PC: variants seen among roughly 807,000 people sequenced by gnomAD.
PC encodes the protein pyruvate carboxylase, mitochondrial.
In PC, 46 loss-of-function variants were observed where a neutral mutation model predicts 107.8. The observed-to-expected ratio is 0.43, with a 90% CI of 0.34 to 0.55. The LOEUF (loss-of-function observed/expected upper bound fraction) is 0.55, where lower values mean the gene tolerates loss of function less well. Among genes scored for constraint, PC ranks in the 20% least tolerant of loss-of-function variants. The probability of loss-of-function intolerance (pLI) is 0.04; values close to 1 mark genes in which losing one functional copy is unlikely to be tolerated. For synonymous variants in PC, 662 were observed against 684.7 expected (o/e 0.97, Z 0.52); for missense variants, 1,241 against 1,643.1 (o/e 0.76, Z 4.23).
In PC at chr11:66,857,055, C is replaced by T. The variant is rs1945892854; in HGVS notation, c.1369-3672G>A. On this transcript the variant is annotated intron_variant, in intron 12 of 22. Coordinates refer to ENST00000393960, the MANE Select transcript of PC (RefSeq NM_001040716.2). The surrounding 1 kb of genome is among the most constrained non-coding windows in gnomAD (Gnocchi z 7.1). Reference sequence around the variant, plus strand: ...GCCCTCCACGTGCGTGTCCGCGGCGCGCGCGCCCGCCGGCGCGCACCCGCT... The same window carrying T: ...GCCCTCCACGTGCGTGTCCGCGGCGTGCGCGCCCGCCGGCGCGCACCCGCT... 6.8e-6 allele frequency: 1 copy of T among 146,464 alleles called. No homozygotes were observed. Among genetic ancestry groups the T allele is most frequent in the South Asian group, 2.1e-4 (1 of 4,798 alleles). 9.1% of individuals were successfully genotyped at this position (146,464 alleles called of 1,614,324 possible).
chr11:66,851,576 C>G (rs929796081), intron 16 of PC, among the ~76,000 whole-genome samples: 1 of 152,238 alleles, frequency 6.6e-6, no homozygotes, highest in African/African-American at 2.4e-5. Context: ...AGACCTTCCA[C>G]TGCCCCAGGA....
chr11:66,915,419 C>G (rs1948441874), intron 3 of PC, among the ~76,000 whole-genome samples: 1 of 152,240 alleles, frequency 6.6e-6, no homozygotes, highest in Non-Finnish European at 1.5e-5. Context: ...GCCAGTCCCC[C>G]CTGATGACAG....
chr11:66,893,118 C>T (rs972824973), intron 3 of PC, among the ~76,000 whole-genome samples: 3 of 152,288 alleles, frequency 2.0e-5, no homozygotes, highest in Admixed American at 6.5e-5. Context: ...CCAGCTGCAC[C>T]GTGTCAGTGA....
chr11:66,872,232 T>G, intron 3 of PC, 73 bp from the exon 4 acceptor site: 3 of 1,501,560 alleles, frequency 2.0e-6, no homozygotes, highest in Non-Finnish European at 2.7e-6. Flanking sequence ...TGAGGGCCCT[T>G]CCCAACCCCA....
intron 3 of PC, among the ~76,000 whole-genome samples, chr11:66,926,908 A>G (rs1948730182): frequency 6.6e-6 from 1 of 151,928 alleles, no homozygotes; most frequent in Admixed American, 6.6e-5. Flanking sequence ...TTATGGCTGA[A>G]CAACATTCCA....
rs141469781 is a variant in PC, at chr11:66,932,658, C to A, written c.-1+19772G>T. 1.8e-3 allele frequency among the ~76,000 whole-genome samples: 272 copies of A among 152,290 alleles called. 1 individual carries two copies. Among genetic ancestry groups the A allele is most frequent in the African/African-American group, 6.4e-3 (268 of 41,560 alleles). On this transcript the variant is annotated intron_variant, in intron 3 of 22. Coordinates refer to ENST00000393960, the MANE Select transcript of PC (RefSeq NM_001040716.2). ...GCCCTGGGGGGAAAGCCTCTTTAAACTGTGTGTTCTCTCCAGCTGGAGAAG... is the reference window on the plus strand; with the variant it reads ...GCCCTGGGGGGAAAGCCTCTTTAAAATGTGTGTTCTCTCCAGCTGGAGAAG...
Position 66,870,693 on chromosome 11 carries a change from G to T in PC, c.751+82C>A. The stretch of plus-strand genomic sequence containing the variant: ...GACAGGCCCCAGGGCTGTCCCCAAG[G>T]CCAGCCACTGTGACGGCACCAGGAC... On this transcript the variant is annotated intron_variant, in intron 8 of 22. Transcript: ENST00000393960. This position sits in a 1 kb window ranked among gnomAD's most constrained non-coding sequence, Gnocchi z 6.1. 1.4e-6 allele frequency: 2 copies of T among 1,390,692 alleles called. No individual in the cohort carries two copies. The highest frequency in any genetic ancestry group is 2.0e-6 in the Non-Finnish European group (2 of 988,068). The allele number at this position is 1,390,692 out of a possible 1,614,324, so 86.1% of individuals were successfully genotyped here.
chr11:66,888,435 A>G (rs2136003106), intron 3 of PC, among the ~76,000 whole-genome samples: 1 of 152,312 alleles, frequency 6.6e-6, no homozygotes, highest in East Asian at 1.9e-4. Flanking sequence ...CGAACAAAAC[A>G]AAGGACTAAA....
chr11:66,850,569 A>G, intron 18 of PC, 105 bp from the exon 19 acceptor site: 1 of 1,603,058 alleles, frequency 6.2e-7, no homozygotes, highest in Non-Finnish European at 8.5e-7. Context: ...GAAGGCGGCA[A>G]GGCCAGAGCA....
At position 66,858,984 on chromosome 11, in the gene PC, G is replaced by T; in HGVS notation, c.1368+4790C>A. On this transcript the variant is annotated intron_variant, in intron 12 of 22. Coordinates refer to ENST00000393960, the MANE Select transcript of PC (RefSeq NM_001040716.2). The surrounding 1 kb of genome is among the most constrained non-coding windows in gnomAD (Gnocchi z 5.9). ...TGAGCCAGCCGTGCAGGTGACGGAG[G>T]TGACCGCCACCTCAGGGCTGGTGAG... The T allele has an allele frequency of 6.4e-7, 1 of 1,563,844 alleles. No homozygotes were observed. Among genetic ancestry groups the T allele is most frequent in the Non-Finnish European group, 8.7e-7 (1 of 1,151,104 alleles).
intron 3 of PC, among the ~76,000 whole-genome samples, chr11:66,936,784 C>T (rs2136123002): frequency 6.6e-6 from 1 of 152,222 alleles, no homozygotes; most frequent in East Asian, 1.9e-4. Context: ...ACATAAGCAT[C>T]CCTGGGTATT....
intron 3 of PC, among the ~76,000 whole-genome samples, chr11:66,886,033 T>G (rs548635023): frequency 6.6e-6 from 1 of 152,266 alleles, no homozygotes; most frequent in East Asian, 1.9e-4. Flanking sequence ...TATTTGGGAC[T>G]GTGATCAGCT....
intron 3 of PC, chr11:66,934,368 T>A (rs1948943188): frequency 6.5e-6 from 1 of 153,032 alleles, no homozygotes; most frequent in Admixed American, 6.5e-5. Flanking sequence ...AGAATGAACG[T>A]GTGTTATTTC....
rs143777875 is a variant in PC at position 66,848,964 on chromosome 11, G to A, written c.3472C>T (p.Arg1158Cys). ...ATGTCCTTGGTCACATGAACCTTGC[G>A]GACAGTACCCTCCATGGGTGAGGTC... ...VVTSPMEGTV[R>C]KVHVTKDMTL... Residue 1158 changes from arginine to cysteine, a missense_variant, in exon 23 of 23, where the codon CGC (arginine) becomes TGC (cysteine). Transcript: ENST00000393960. The A allele has an allele frequency of 1.4e-5, 22 of 1,613,952 alleles. No individual in the cohort carries two copies. The highest frequency in any genetic ancestry group is 4.5e-5 in the East Asian group (2 of 44,890).
At chr11:66,876,314 C>T (rs151007753) in intron 3 of PC, among the ~76,000 whole-genome samples, 42 of 152,364 alleles carry the variant, frequency 2.8e-4, no homozygotes, top group African/African-American at 1.0e-3. Context: ...CTGCAATTTA[C>T]ACCCACTCAC....
intron 12 of PC, among the ~76,000 whole-genome samples, chr11:66,854,348 C>T (rs1300828818): frequency 1.3e-5 from 2 of 152,236 alleles, no homozygotes; most frequent in African/African-American, 2.4e-5. Context: ...CTGACACTCA[C>T]CTTTCCAGCA....
At chr11:66,932,971 C>T (rs1265095743) in intron 3 of PC, among the ~76,000 whole-genome samples, 2 of 152,112 alleles carry the variant, frequency 1.3e-5, no homozygotes, top group Admixed American at 6.5e-5. Flanking sequence ...CTAGGAGAAT[C>T]CTTCGTCTAA....
intron 3 of PC, 103 bp downstream of exon 3, chr11:66,952,327 G>C (rs1949458726): frequency 6.6e-6 from 1 of 152,120 alleles, no homozygotes; most frequent in Non-Finnish European, 1.5e-5. Flanking sequence ...TTTTTTTATT[G>C]ATTGAGCTTA....
At chr11:66,900,176 T>C (rs1663800762) in intron 3 of PC, among the ~76,000 whole-genome samples, 1 of 89,360 alleles carries the variant, frequency 1.1e-5, no homozygotes, top group African/African-American at 4.3e-5. Context: ...TCCTCCAACG[T>C]TGTTTTTTTT....
Sources: gnomAD v4.1 joint callset for allele counts (sites outside exome capture counted in the v4.1 genomes callset) on GRCh38, gnomAD v4.1.1 for gene constraint, Gnocchi (gnomAD v3.1) non-coding constraint, MANE v1.5 for transcripts, NCBI Gene and HGNC (gene_info 2026-07-23, HGNC 2026-07-21) for gene names.